Variants in OTOF observed in about 807,000 individuals in gnomAD.
The protein encoded by OTOF is otoferlin.
Under a neutral mutation model 236.8 loss-of-function variants are expected in OTOF, and 218 were observed. The observed-to-expected ratio is 0.92, with a 90% CI of 0.82 to 1.03. The LOEUF (loss-of-function observed/expected upper bound fraction) is 1.03. OTOF is among the 50% of genes least tolerant of loss of function. The pLI is 0.00. For missense variants in OTOF, 2,590 were observed against 2,694.4 expected (o/e 0.96, Z 0.86); for synonymous variants, 1,041 against 1,072.5 (o/e 0.97, Z 0.57).
intron 36 of OTOF, 171 bp from the exon 37 acceptor site, chr2:26,466,247 G>T (rs1267153054): frequency 2.7e-6 from 2 of 730,390 alleles, no homozygotes; most frequent in East Asian, 5.4e-5. Flanking sequence ...CTCTCTGGGC[G>T]TTGACTTCTT....
chr2:26,510,842 C>A, intron 5 of OTOF: 1 of 777,128 alleles, frequency 1.3e-6, no homozygotes, highest in Non-Finnish European at 1.9e-6. Context: ...CACGGGCCTG[C>A]ACGCTCCCCG....
chr2:26,546,236 G>A (rs1189197933), intron 1 of OTOF, among the ~76,000 whole-genome samples: 1 of 152,128 alleles, frequency 6.6e-6, no homozygotes, highest in African/African-American at 2.4e-5. Flanking sequence ...CGAGGCTGGT[G>A]GATCACTTGA....
chr2:26,516,311 A>T (rs1558509723), intron 5 of OTOF, 107 bp downstream of exon 5: 26 of 1,035,944 alleles, frequency 2.5e-5, no homozygotes, highest in Non-Finnish European at 3.0e-5. Flanking sequence ...TCAGCCCTGT[A>T]CTCTGAGCCC....
intron 32 of OTOF, among the ~76,000 whole-genome samples, chr2:26,469,325 A>G (rs1473519436): frequency 6.6e-6 from 1 of 152,214 alleles, no homozygotes; most frequent in Non-Finnish European, 1.5e-5. Flanking sequence ...AGTAGAGACG[A>G]CAACAGGCAG....
In OTOF at chr2:26,473,467, G is replaced by T; in HGVS notation, c.3509C>A (p.Ser1170Tyr). The change falls in exon 28 of 47, where the codon TCC (serine) becomes TAC (tyrosine). Residue 1170 changes from serine to tyrosine, a missense_variant. Physicochemically the swap from Ser to Tyr is moderately radical, Grantham distance 144. Transcript: ENST00000272371. This position sits in a 1 kb window ranked among gnomAD's most constrained non-coding sequence, Gnocchi z 7.2. The stretch of plus-strand genomic sequence containing the variant: ...GTTCTTCTTATAATTGTGGATCAGG[G>T]ACGACTGCACCCCCTTCCCTGCACA... ...IECAGKGVQS[S>Y]LIHNYKKNPN... is the part of the protein sequence containing the mutation. 1 of 1,613,272 alleles carries T rather than the reference G, an allele frequency of 6.2e-7. No individual in the cohort carries two copies. Among genetic ancestry groups the T allele is most frequent in the Non-Finnish European group, 8.5e-7 (1 of 1,179,966 alleles).
rs755408329 is a variant in OTOF, at chr2:26,476,002, T to C, written c.2903A>G (p.Gln968Arg). Residue 968 changes from glutamine to arginine, a missense_variant, in exon 24 of 47, where the codon CAG becomes CGG. Physicochemically the swap from Gln to Arg is conservative, Grantham distance 43. This residue lies in a region of OTOF where 1,379 missense variants were observed against 1,341.6 expected (regional missense o/e 1.03). Coordinates refer to ENST00000272371, the MANE Select transcript of OTOF (RefSeq NM_194248.3). ...GTCGGCGGCAAAGAGGCTGCGGGCC[T>C]GGTACATGTGCGCTCGGAGCTGGAA... ...QAFQLRAHMY[Q>R]ARSLFAADSS... 1.6e-5 allele frequency: 25 copies of C among 1,612,584 alleles called. 1 individual carries two copies. The South Asian group carries it at 2.7e-4, about 18-fold the overall frequency.
chr2:26,460,156 G>C lies in OTOF; in HGVS notation c.5863C>G (p.Arg1955Gly), dbSNP rs768636114. Residue 1955 changes from arginine (R) to glycine (G), a missense_variant, in exon 46 of 47, where the codon CGC becomes GGC. This residue lies in a region of OTOF where 1,211 missense variants were observed against 1,352.8 expected (regional missense o/e 0.90). Transcript: ENST00000272371. This position sits in a 1 kb window ranked among gnomAD's most constrained non-coding sequence, Gnocchi z 5.3. ...CGATACGTGTGCCACAAGAAGTAGC[G>C]AGCCGACTTGAGAGGGTTCAGGAAC... Reference protein sequence around the residue: ...IWFLNPLKSARYFLWHTYRWL... With the variant: ...IWFLNPLKSAGYFLWHTYRWL... 5.0e-6 allele frequency: 8 copies of C among 1,603,668 alleles called. No individual in the cohort carries two copies. The highest frequency in any genetic ancestry group is 6.0e-6 in the Non-Finnish European group (7 of 1,175,694).
chr2:26,475,010 C>T (rs1409725151), intron 25 of OTOF, among the ~76,000 whole-genome samples: 5 of 152,082 alleles, frequency 3.3e-5, no homozygotes, highest in Admixed American at 3.3e-4. Context: ...CCAGAACCTC[C>T]ACGGAGGATG....
rs749687326 is a variant in OTOF at position 26,473,507 on chromosome 2, G to A, written c.3469C>T (p.Arg1157Trp). The change falls in exon 28 of 47, where the codon CGG (arginine) becomes TGG (tryptophan). Residue 1157 changes from arginine (R) to tryptophan (W), a missense_variant. Physicochemically the swap from Arg to Trp is moderately radical, Grantham distance 101. Coordinates refer to ENST00000272371, the MANE Select transcript of OTOF (RefSeq NM_194248.3). The surrounding 1 kb of genome is among the most constrained non-coding windows in gnomAD (Gnocchi z 7.2). ...TTCCCTGCACACTCGATGTCCACCCGTGGCCGGTCCACCTGGGCCAGGTTC... is the reference window on the plus strand; with the variant it reads ...TTCCCTGCACACTCGATGTCCACCCATGGCCGGTCCACCTGGGCCAGGTTC... The part of the protein sequence containing the change: ...RVNLAQVDRP[R>W]VDIECAGKGV... The A allele has an allele frequency of 1.1e-5, 17 of 1,612,686 alleles. No homozygotes were observed. The highest frequency in any genetic ancestry group is 2.2e-5 in the East Asian group (1 of 44,886).
chr2:26,472,197 C>T (rs1043950814), intron 30 of OTOF: 4 of 410,818 alleles, frequency 9.7e-6, no homozygotes, highest in East Asian at 5.6e-5. Context: ...CATACATGCA[C>T]GATGCACATA....
intron 11 of OTOF, among the ~76,000 whole-genome samples, chr2:26,488,448 T>G (rs897819792): frequency 6.6e-6 from 1 of 152,210 alleles, no homozygotes; most frequent in Non-Finnish European, 1.5e-5. Context: ...TTCCTCTGCC[T>G]GGCCCACCTC....
In OTOF at chr2:26,461,024, A is replaced by T; in HGVS notation, c.5540T>A (p.Ile1847Asn). ...HFSADDFLGA[I>N]ELDLNRFPRG... ...CGGGAACCGGTTCAGGTCCAGCTCGATGGCCCCTGTGGCAACCTCAGTGTC... is the reference window on the plus strand; with the variant it reads ...CGGGAACCGGTTCAGGTCCAGCTCGTTGGCCCCTGTGGCAACCTCAGTGTC... Residue 1847 changes from isoleucine to asparagine, a missense_variant, in exon 44 of 47, where the codon ATC becomes AAC. Ile to Asn is a moderately radical substitution (Grantham distance 149). Coordinates refer to ENST00000272371, the MANE Select transcript of OTOF (RefSeq NM_194248.3). The surrounding 1 kb of genome is among the most constrained non-coding windows in gnomAD (Gnocchi z 6.2). 1 of 1,354,554 alleles carries T rather than the reference A, an allele frequency of 7.4e-7. No individual in the cohort carries two copies. The allele number at this position is 1,354,554 out of a possible 1,614,324, so 83.9% of individuals were successfully genotyped here. A position where few individuals can be genotyped will look rare whatever the true frequency, so the allele number is the denominator to read the frequency against.
At chr2:26,550,916 A>G (rs1240065631) in intron 1 of OTOF, among the ~76,000 whole-genome samples, 3 of 150,736 alleles carry the variant, frequency 2.0e-5, no homozygotes, top group African/African-American at 7.3e-5. Context: ...TCCCCTCCAC[A>G]CTCCCCTGAT....
chr2:26,467,092 G>T lies in OTOF; in HGVS notation c.4362+7C>A. 1 of 1,612,548 alleles carries T rather than the reference G, an allele frequency of 6.2e-7. No homozygotes were observed. On this transcript the variant is annotated splice_region_variant and intron_variant, in intron 35 of 46. Transcript: ENST00000272371. ...TGCTCAGGCTGGGCCCGTGCTCCTG[G>T]CCTGACCTTGAAGCGTCCCACAATG... is the stretch of plus-strand genomic sequence containing the variant.
intron 2 of OTOF, among the ~76,000 whole-genome samples, chr2:26,537,313 G>A (rs780069858): frequency 6.6e-6 from 1 of 152,106 alleles, no homozygotes; most frequent in Non-Finnish European, 1.5e-5. Context: ...CAACCCCTGG[G>A]GACTGACACA....
Position 26,465,998 on chromosome 2 carries a change from G to A in OTOF, c.4579C>T (p.Arg1527Cys), listed in dbSNP as rs775508390. ...IAIRLGKTDI[R>C]DKENYISKQL... Reference sequence around the variant, plus strand: ...TTGGAGATGTAGTTCTCCTTGTCGCGGATGTCAGTCTTGCCTAGCCGGATG... The same window carrying A: ...TTGGAGATGTAGTTCTCCTTGTCGCAGATGTCAGTCTTGCCTAGCCGGATG... The change falls in exon 37 of 47, where the codon CGC (arginine) becomes TGC (cysteine). Residue 1527 changes from arginine (R) to cysteine (C), a missense_variant. Arg to Cys is a radical substitution (Grantham distance 180). This residue lies in a region of OTOF where 1,211 missense variants were observed against 1,352.8 expected (regional missense o/e 0.90). Coordinates refer to ENST00000272371, the MANE Select transcript of OTOF (RefSeq NM_194248.3). The A allele has an allele frequency of 1.1e-5, 17 of 1,614,246 alleles. No homozygotes were observed. The highest frequency in any genetic ancestry group is 2.2e-5 in the East Asian group (1 of 44,882).
chr2:26,548,764 T>C (rs558342925), intron 1 of OTOF, among the ~76,000 whole-genome samples: 1 of 152,378 alleles, frequency 6.6e-6, no homozygotes, highest in Admixed American at 6.5e-5. Context: ...GGTCATACCA[T>C]GTAGCCTAGG....
chr2:26,475,994 T>C lies in OTOF; in HGVS notation c.2911A>G (p.Ser971Gly). ...CCGCTGCTGTCGGCGGCAAAGAGGC[T>C]GCGGGCCTGGTACATGTGCGCTCGG... is the stretch of plus-strand genomic sequence containing the variant. ...QLRAHMYQARSLFAADSSGLS... is the reference protein window; with the variant it reads ...QLRAHMYQARGLFAADSSGLS... Residue 971 changes from serine (S) to glycine (G), a missense_variant, in exon 24 of 47, where the codon AGC becomes GGC. Around this residue, in one of 2 missense-constraint regions of OTOF, gnomAD observed 1,379 missense variants for 1,341.6 expected, o/e 1.03. Transcript: ENST00000272371. The C allele has an allele frequency of 6.2e-7, 1 of 1,612,650 alleles. No homozygotes were observed. The highest frequency in any genetic ancestry group is 8.5e-7 in the Non-Finnish European group (1 of 1,179,938).
At chr2:26,496,916 C>CA (rs1203004849) in intron 8 of OTOF, among the ~76,000 whole-genome samples, 2 of 152,084 alleles carry the variant, frequency 1.3e-5, no homozygotes, top group African/African-American at 4.8e-5. Flanking sequence ...GAAAGCTCTA[C>CA]AAAATGTGAG....
Sources: gnomAD v4.1 joint callset for allele counts (sites outside exome capture counted in the v4.1 genomes callset) on GRCh38, gnomAD v4.1.1 for gene constraint, gnomAD v4.1.1 regional missense constraint, Gnocchi (gnomAD v3.1) non-coding constraint, MANE v1.5 for transcripts, NCBI Gene and HGNC (gene_info 2026-07-23, HGNC 2026-07-21) for gene names.